Variants in ARMC1 observed in about 807,000 individuals in gnomAD.
The protein encoded by ARMC1 is armadillo repeat-containing protein 1.
In ARMC1, 16 loss-of-function variants were observed where a neutral mutation model predicts 31.4. The observed-to-expected ratio is 0.51, with a 90% CI of 0.34 to 0.77. The LOEUF is 0.77. Among genes scored for constraint, ARMC1 ranks in the 30% least tolerant of loss-of-function variants. The probability of loss-of-function intolerance (pLI) is 0.01; values close to 1 mark genes in which losing one functional copy is unlikely to be tolerated. For synonymous variants in ARMC1, 114 were observed against 118.9 expected, an observed-to-expected ratio of 0.96 and a Z score of 0.27; for missense variants, 259 against 347.5, an observed-to-expected ratio of 0.75 and a Z score of 2.02.
At chr8:65,621,945 T>C (rs1361904012) in intron 3 of ARMC1, among the ~76,000 whole-genome samples, 1 of 152,112 alleles carries the variant, frequency 6.6e-6, no homozygotes, top group East Asian at 1.9e-4. Context: ...AATTGAAATT[T>C]TTTTTTTTTT....
Position 65,604,460 on chromosome 8 carries a change from G to C in ARMC1, c.783C>G (p.His261Gln). ...QDKAVSRVGS[H>Q]PEGGASWLST... Reference sequence around the variant, plus strand: ...TAAGCCAGCTAGCTCCACCTTCTGGGTGTGAGCCGACCCGGGACACCGCTT... The same window carrying C: ...TAAGCCAGCTAGCTCCACCTTCTGGCTGTGAGCCGACCCGGGACACCGCTT... The change falls in exon 7 of 7, where the codon CAC (histidine) becomes CAG (glutamine). Residue 261 changes from histidine to glutamine, a missense_variant. Transcript: ENST00000276569. 1 of 1,614,152 alleles carries C rather than the reference G, an allele frequency of 6.2e-7. No homozygotes were observed. The highest frequency in any genetic ancestry group is 8.5e-7 in the Non-Finnish European group (1 of 1,180,028).
intron 4 of ARMC1, among the ~76,000 whole-genome samples, chr8:65,607,235 G>GC (rs1563411700): frequency 6.6e-6 from 1 of 152,232 alleles, no homozygotes; most frequent in East Asian, 1.9e-4. Flanking sequence ...GCAGGGGCCT[G>GC]CATTTGGTGA....
intron 2 of ARMC1, among the ~76,000 whole-genome samples, chr8:65,624,441 G>A (rs539881978): frequency 9.8e-4 from 137 of 139,884 alleles, no homozygotes; most frequent in African/African-American, 3.4e-3. Flanking sequence ...AGAGGTTGCA[G>A]TGAGCTGAGA....
At chr8:65,618,150 G>A (rs6986866) in intron 3 of ARMC1, among the ~76,000 whole-genome samples, 96,272 of 151,462 alleles carry the variant, frequency 0.64, 30,764 homozygotes, top group African/African-American at 0.69. Context: ...TCCTGACCTC[G>A]TGATACACCC....
At chr8:65,622,680 T>G (rs528304191) in intron 2 of ARMC1, among the ~76,000 whole-genome samples, 1 of 150,780 alleles carries the variant, frequency 6.6e-6, no homozygotes, top group South Asian at 2.1e-4. Context: ...GCCATTGCAC[T>G]CCAACCTGAA....
chr8:65,626,139 C>T (rs1015479906), intron 2 of ARMC1, among the ~76,000 whole-genome samples: 4 of 152,130 alleles, frequency 2.6e-5, no homozygotes, highest in Non-Finnish European at 5.9e-5. Context: ...GATCCACCCA[C>T]CTCGGCCTCC....
chr8:65,605,011 G>C (rs183568108), intron 6 of ARMC1, among the ~76,000 whole-genome samples: 8 of 152,310 alleles, frequency 5.3e-5, no homozygotes, highest in Non-Finnish European at 1.0e-4. Flanking sequence ...GATTAGTTAA[G>C]ATTAGGAAGA....
rs1807921646 is a variant in ARMC1, at chr8:65,602,833, T to TG, written c.*1560_*1561insC. 1 of 151,818 alleles carries TG rather than the reference T, an allele frequency of 6.6e-6. No individual in the cohort carries two copies. Among genetic ancestry groups the TG allele is most frequent in the South Asian group, 2.1e-4 (1 of 4,810 alleles). The allele number at this position is 151,818 out of a possible 1,614,324, so 9.4% of individuals were successfully genotyped here. ...AAGTTATTGTTGCTTTTTTTGTTTT[T>TG]TTTTTTTCAGTTTGTGCGTGTCACT... On this transcript the variant is annotated 3_prime_UTR_variant, in exon 7 of 7. Transcript: ENST00000276569.
intron 1 of ARMC1, among the ~76,000 whole-genome samples, chr8:65,628,327 C>T (rs1585721337): frequency 6.6e-6 from 1 of 151,364 alleles, no homozygotes; most frequent in East Asian, 2.0e-4. Flanking sequence ...CCTCAGCTCA[C>T]TACAACCTCC....
At chr8:65,629,691 C>T (rs994044479) in intron 1 of ARMC1, among the ~76,000 whole-genome samples, 5 of 150,106 alleles carry the variant, frequency 3.3e-5, no homozygotes, top group Admixed American at 6.7e-5. Flanking sequence ...CCCAGCTACT[C>T]GGGAGGCTGA....
chr8:65,616,912 A>G (rs1391355435), intron 3 of ARMC1, among the ~76,000 whole-genome samples: 5 of 139,432 alleles, frequency 3.6e-5, no homozygotes, highest in South Asian at 4.8e-4. Context: ...GCCCCGTCTG[A>G]GAAGTGAGGA....
chr8:65,610,460 C>T (rs1379511950), intron 4 of ARMC1, among the ~76,000 whole-genome samples: 3 of 151,964 alleles, frequency 2.0e-5, no homozygotes, highest in African/African-American at 7.2e-5. Context: ...CTTTGGAGAC[C>T]AAAGCAGGCA....
In ARMC1 at chr8:65,603,274, G is replaced by A. The variant is rs1585698823; in HGVS notation, c.*1120C>T. 6.6e-6 allele frequency: 1 copy of A among 152,154 alleles called. No individual in the cohort carries two copies. Among genetic ancestry groups the A allele is most frequent in the East Asian group, 1.9e-4 (1 of 5,186 alleles). The allele number at this position is 152,154 out of a possible 1,614,324, so 9.4% of individuals were successfully genotyped here. ...TTCACTGAAGTTCTTTTTTCTGGCT[G>A]GACATGAGAAACAGGATTAAGTGAT... On this transcript the variant is annotated 3_prime_UTR_variant, in exon 7 of 7. Transcript: ENST00000276569.
At chr8:65,604,777 T>C (rs754861833) in intron 6 of ARMC1, among the ~76,000 whole-genome samples, 192 bp from the exon 7 acceptor site, 1 of 151,858 alleles carries the variant, frequency 6.6e-6, no homozygotes, top group African/African-American at 2.4e-5. Context: ...ATTCTAGGAG[T>C]AAATGAGCAA....
At position 65,611,037 on chromosome 8, in the gene ARMC1, G is replaced by A. The variant is rs184089427; in HGVS notation, c.465+2207C>T. Among the ~76,000 whole-genome samples, 117 of 151,936 alleles carry A rather than the reference G, an allele frequency of 7.7e-4. 1 individual carries two copies. Among genetic ancestry groups the A allele is most frequent in the African/African-American group, 1.9e-4 (8 of 41,436 alleles). ...CAACCTCTGCCTCCTGGGTTCAAGC[G>A]ATTCTCCTGCCTCAGCCTCCCATGT... On this transcript the variant is annotated intron_variant, in intron 4 of 6. Coordinates refer to ENST00000276569, the MANE Select transcript of ARMC1 (RefSeq NM_018120.6).
At chr8:65,624,729 A>G (rs544095409) in intron 2 of ARMC1, among the ~76,000 whole-genome samples, 2 of 151,888 alleles carry the variant, frequency 1.3e-5, no homozygotes, top group East Asian at 2.0e-4. Flanking sequence ...TTAAAGATGC[A>G]TATTGTAAAA....
intron 1 of ARMC1, chr8:65,633,067 G>T (rs777957102): frequency 6.6e-6 from 1 of 152,190 alleles, no homozygotes; most frequent in Non-Finnish European, 1.5e-5. Context: ...CAAGCTTCCA[G>T]GTGAGGCCTA....
intron 4 of ARMC1, among the ~76,000 whole-genome samples, chr8:65,609,297 G>A (rs563322887): frequency 3.2e-4 from 48 of 151,920 alleles, no homozygotes; most frequent in African/African-American, 1.1e-3. Context: ...GCTTTGCTGG[G>A]TTTTATTACT....
At chr8:65,622,938 G>C (rs546768967) in intron 2 of ARMC1, among the ~76,000 whole-genome samples, 15 of 151,410 alleles carry the variant, frequency 9.9e-5, no homozygotes, top group Non-Finnish European at 2.1e-4. Flanking sequence ...CACGGGAGGC[G>C]GAGGTTGCAG....
Sources: gnomAD v4.1 joint callset for allele counts (sites outside exome capture counted in the v4.1 genomes callset) on GRCh38, gnomAD v4.1.1 for gene constraint, MANE v1.5 for transcripts, NCBI Gene and HGNC (gene_info 2026-07-23, HGNC 2026-07-21) for gene names.